DACH1: variants seen among roughly 807,000 people sequenced by gnomAD.
The protein encoded by DACH1 is dachshund family transcription factor 1, also known as dachshund homolog 1.
In DACH1, 12 loss-of-function variants were observed where a neutral mutation model predicts 54.2. That is an observed-to-expected ratio of 0.22 (90% CI 0.14 to 0.36). The LOEUF (loss-of-function observed/expected upper bound fraction) is 0.36, where lower values mean the gene tolerates loss of function less well. Among genes scored for constraint, DACH1 ranks in the 10% least tolerant of loss-of-function variants. The pLI is 1.00. For synonymous variants in DACH1, 386 were observed against 366.2 expected, an observed-to-expected ratio of 1.05 and a Z score of -0.62; for missense variants, 805 against 929.8, an observed-to-expected ratio of 0.87 and a Z score of 1.75.
chr13:71,507,717 A>G (rs1187806114), intron 6 of DACH1, among the ~76,000 whole-genome samples: 1 of 152,184 alleles, frequency 6.6e-6, no homozygotes, highest in Non-Finnish European at 1.5e-5. Flanking sequence ...CCAGAATGAA[A>G]GATAATCAGG....
chr13:71,855,078 A>G (rs1280017725), intron 1 of DACH1, among the ~76,000 whole-genome samples: 1 of 152,034 alleles, frequency 6.6e-6, no homozygotes, highest in African/African-American at 2.4e-5. Context: ...TCCACTGGCA[A>G]TTGTAATATT....
intron 1 of DACH1, among the ~76,000 whole-genome samples, chr13:71,778,483 G>A (rs1886163759): frequency 1.3e-5 from 2 of 151,874 alleles, no homozygotes; most frequent in African/African-American, 4.8e-5. Context: ...AACTTTCTGT[G>A]GATTATAGCT....
intron 1 of DACH1, among the ~76,000 whole-genome samples, chr13:71,849,531 C>CT (rs1873523911): frequency 6.6e-6 from 1 of 152,116 alleles, no homozygotes; most frequent in South Asian, 2.1e-4. Context: ...GGCCAAAACC[C>CT]TTTTTTCTCC....
At chr13:71,491,899 A>G (rs534347995) in intron 6 of DACH1, among the ~76,000 whole-genome samples, 2 of 152,290 alleles carry the variant, frequency 1.3e-5, no homozygotes, top group South Asian at 4.1e-4. Flanking sequence ...AATGTAGAAG[A>G]GAGTTTTGAC....
At chr13:71,603,366 A>G (rs958412515) in intron 3 of DACH1, among the ~76,000 whole-genome samples, 2 of 151,982 alleles carry the variant, frequency 1.3e-5, no homozygotes, top group African/African-American at 4.8e-5. Context: ...TATTTTAATG[A>G]CATACTTTCT....
At chr13:71,595,325 G>C (rs899522852) in intron 3 of DACH1, among the ~76,000 whole-genome samples, 4 of 152,076 alleles carry the variant, frequency 2.6e-5, no homozygotes, top group African/African-American at 9.7e-5. Context: ...GGAAGGACTT[G>C]TATTATTTCA....
At chr13:71,485,757 A>AT (rs1165511891) in intron 7 of DACH1, among the ~76,000 whole-genome samples, 1 of 150,268 alleles carries the variant, frequency 6.7e-6, no homozygotes, top group Non-Finnish European at 1.5e-5. Context: ...TAATTTTTAC[A>AT]TTTTTAGTAG....
intron 1 of DACH1, among the ~76,000 whole-genome samples, chr13:71,802,742 A>G (rs1887338176): frequency 1.3e-5 from 2 of 152,072 alleles, no homozygotes; most frequent in Non-Finnish European, 2.9e-5. Context: ...TAAAAAATAT[A>G]CCATTGTTTT....
chr13:71,479,888 G>A (rs148780093), intron 7 of DACH1, among the ~76,000 whole-genome samples: 39 of 152,108 alleles, frequency 2.6e-4, no homozygotes, highest in African/African-American at 8.9e-4. Context: ...ATCTTTGCAT[G>A]GCTCACACCC....
intron 1 of DACH1, among the ~76,000 whole-genome samples, chr13:71,816,457 G>A (rs994632776): frequency 7.3e-5 from 11 of 151,334 alleles, no homozygotes; most frequent in East Asian, 3.9e-4. Flanking sequence ...ATGCATGTGC[G>A]TGTTCAGTGC....
At chr13:71,504,508 G>A (rs1022842609) in intron 6 of DACH1, among the ~76,000 whole-genome samples, 1 of 152,110 alleles carries the variant, frequency 6.6e-6, no homozygotes, top group African/African-American at 2.4e-5. Flanking sequence ...AAGATAACAC[G>A]TTAGGAGGAA....
Position 71,554,133 on chromosome 13 carries a change from T to C in DACH1, c.1570+2891A>G, listed in dbSNP as rs532908182. Among the ~76,000 whole-genome samples the C allele has an allele frequency of 4.6e-5, 7 of 152,122 alleles. No individual in the cohort carries two copies. The South Asian group carries it at 1.4e-3, about 32-fold the overall frequency. ...GGATATTATGAGGCCCATGAAAATT[T>C]TGTCATGAAAGAAAACAATTTTTAA... On this transcript the variant is annotated intron_variant, in intron 6 of 10. Transcript: ENST00000613252.
chr13:71,492,976 C>T (rs1002779825), intron 6 of DACH1, among the ~76,000 whole-genome samples: 5 of 150,990 alleles, frequency 3.3e-5, no homozygotes, highest in African/African-American at 9.7e-5. Context: ...TTTTTGTTTA[C>T]GGTAGTTACA....
intron 1 of DACH1, among the ~76,000 whole-genome samples, chr13:71,720,370 T>G (rs972106159): frequency 6.6e-6 from 1 of 152,176 alleles, no homozygotes; most frequent in African/African-American, 2.4e-5. Flanking sequence ...CACAGCACAT[T>G]TTTGCATTCC....
At chr13:71,567,521 C>T (rs985586474) in intron 4 of DACH1, among the ~76,000 whole-genome samples, 2 of 151,914 alleles carry the variant, frequency 1.3e-5, no homozygotes, top group African/African-American at 4.8e-5. Context: ...CAGGGATTCC[C>T]TGCAAAATTC....
chr13:71,844,044 G>T (rs1281350514), intron 1 of DACH1, among the ~76,000 whole-genome samples: 3 of 152,110 alleles, frequency 2.0e-5, no homozygotes, highest in Non-Finnish European at 4.4e-5. Context: ...AATGAAAATG[G>T]CACTACTTCC....
chr13:71,658,568 AAAGC>A (rs1436133721), intron 2 of DACH1, among the ~76,000 whole-genome samples: 2 of 152,144 alleles, frequency 1.3e-5, no homozygotes, highest in Non-Finnish European at 1.5e-5. Flanking sequence ...AGTAATAAAA[AAAGC>A]ACTATATCCA....
At chr13:71,587,012 A>T (rs1593941060) in intron 3 of DACH1, among the ~76,000 whole-genome samples, 2 of 152,134 alleles carry the variant, frequency 1.3e-5, no homozygotes, top group Admixed American at 6.6e-5. Context: ...ATAAAGTTTC[A>T]AGCAGGTCGC....
At chr13:71,770,801 T>G (rs1949975570) in intron 1 of DACH1, among the ~76,000 whole-genome samples, 1 of 151,344 alleles carries the variant, frequency 6.6e-6, no homozygotes, top group South Asian at 2.1e-4. Flanking sequence ...CTCAAAGACT[T>G]ATGGCAACAA....
Sources: gnomAD v4.1 joint callset for allele counts (sites outside exome capture counted in the v4.1 genomes callset) on GRCh38, gnomAD v4.1.1 for gene constraint, MANE v1.5 for transcripts, NCBI Gene and HGNC (gene_info 2026-07-23, HGNC 2026-07-21) for gene names.